FAT4: variants seen among roughly 807,000 people sequenced by gnomAD.
FAT4 encodes the protein FAT atypical cadherin 4, also known as protocadherin Fat 4.
FAT4 carries 84 observed loss-of-function variants against 303.9 expected under a neutral mutation model. The observed-to-expected ratio is 0.28, with a 90% CI of 0.23 to 0.33. FAT4 has a LOEUF of 0.33. Among genes scored for constraint, FAT4 ranks in the 10% least tolerant of loss-of-function variants. The pLI is 1.00. For missense variants in FAT4, 6,005 were observed against 6,146.8 expected (o/e 0.98, Z 0.77); for synonymous variants, 2,307 against 2,298.8 (o/e 1.00, Z -0.10).
intron 7 of FAT4, among the ~76,000 whole-genome samples, chr4:125,428,923 T>C (rs1725190058): frequency 6.6e-6 from 1 of 152,212 alleles, no homozygotes; most frequent in Non-Finnish European, 1.5e-5. Context: ...CGTGTCATTA[T>C]ATCCTGCCTC....
chr4:125,368,522 G>GTA (rs11391727), intron 2 of FAT4, among the ~76,000 whole-genome samples: 38,429 of 133,636 alleles, frequency 0.29, 5,910 homozygotes, highest in Non-Finnish European at 0.38. Flanking sequence ...TTATATATAT[G>GTA]TATATATATA....
chr4:125,433,857 C>G (rs1232299001), intron 7 of FAT4, among the ~76,000 whole-genome samples: 1 of 152,118 alleles, frequency 6.6e-6, no homozygotes, highest in Non-Finnish European at 1.5e-5. Flanking sequence ...TGTTAGTTGG[C>G]CAGCTCTTCC....
chr4:125,354,551 A>G (rs1037487229), intron 2 of FAT4, among the ~76,000 whole-genome samples: 1 of 151,766 alleles, frequency 6.6e-6, no homozygotes, highest in Non-Finnish European at 1.5e-5. Flanking sequence ...AGGCCAATTT[A>G]AACAATGATA....
Position 125,408,803 on chromosome 4 carries a change from T to C in FAT4, c.5920+9T>C. ...TACTGATGCAGATGATGGTATGTAT[T>C]TTATTTAATATAATTTTTAAAACAT... is the stretch of plus-strand genomic sequence containing the variant. On this transcript the variant is annotated intron_variant, in intron 5 of 17. Transcript: ENST00000394329. 3.0e-6 allele frequency: 4 copies of C among 1,316,730 alleles called. No individual in the cohort carries two copies. The highest frequency in any genetic ancestry group is 4.1e-6 in the Non-Finnish European group (4 of 975,490). The allele number at this position is 1,316,730 out of a possible 1,614,324, so 81.6% of individuals were successfully genotyped here. A position where few individuals can be genotyped will look rare whatever the true frequency, so the allele number is the denominator to read the frequency against.
intron 2 of FAT4, among the ~76,000 whole-genome samples, chr4:125,365,569 T>C (rs1732847206): frequency 6.6e-6 from 1 of 152,226 alleles, no homozygotes; most frequent in South Asian, 2.1e-4. Context: ...AGAGCTATTA[T>C]ATACTTGAGG....
intron 12 of FAT4, among the ~76,000 whole-genome samples, chr4:125,475,265 A>T (rs1726988710): frequency 6.6e-6 from 1 of 152,062 alleles, no homozygotes; most frequent in South Asian, 2.1e-4. Context: ...AGCATTGGAG[A>T]TTACACAATA....
intron 16 of FAT4, among the ~76,000 whole-genome samples, chr4:125,485,931 A>T (rs2126091346): frequency 6.6e-6 from 1 of 152,332 alleles, no homozygotes; most frequent in African/African-American, 2.4e-5. Flanking sequence ...AGCAAAAATT[A>T]GCATGATGTT....
chr4:125,464,383 T>C (rs796572820), intron 11 of FAT4, among the ~76,000 whole-genome samples: 15 of 152,252 alleles, frequency 9.9e-5, no homozygotes, highest in African/African-American at 3.6e-4. Flanking sequence ...AGGAAGCATT[T>C]GTATTAGCTT....
chr4:125,324,554 G>A (rs913937481), intron 2 of FAT4, among the ~76,000 whole-genome samples: 3 of 152,164 alleles, frequency 2.0e-5, no homozygotes, highest in Admixed American at 6.5e-5. Flanking sequence ...TCAGGTCAGA[G>A]CATAATAATT....
At position 125,487,364 on chromosome 4, in the gene FAT4, A is replaced by C. The variant is rs758804032; in HGVS notation, c.12842A>C (p.Tyr4281Ser). The part of the protein sequence containing the change: ...TTVKIKNGKV[Y>S]FTSDAGIAGK... Reference sequence around the variant, plus strand: ...TTACAGATTAAGAATGGCAAAGTATATTTTACATCCGATGCAGGAATTGCT... The same window carrying C: ...TTACAGATTAAGAATGGCAAAGTATCTTTTACATCCGATGCAGGAATTGCT... Residue 4281 changes from tyrosine (Y) to serine (S), a missense_variant, in exon 17 of 18, where the codon TAT (tyrosine) becomes TCT (serine). By Grantham distance (144) the Tyr-to-Ser change is moderately radical. Transcript: ENST00000394329. The C allele has an allele frequency of 3.1e-6, 5 of 1,613,248 alleles. No homozygotes were observed. Among genetic ancestry groups the C allele is most frequent in the Non-Finnish European group, 4.2e-6 (5 of 1,179,370 alleles).
intron 8 of FAT4, among the ~76,000 whole-genome samples, chr4:125,442,820 A>T (rs1453132724): frequency 1.3e-5 from 2 of 152,082 alleles, no homozygotes; most frequent in Non-Finnish European, 2.9e-5. Context: ...ATAGACTATT[A>T]CGTTATACAT....
At position 125,451,078 on chromosome 4, in the gene FAT4, G is replaced by T. The variant is rs1726048523; in HGVS notation, c.10068G>T (p.Gln3356His). ...KGFQINKKTG[Q>H]IYVSGILDRE... ...TCCAGATCAATAAGAAGACTGGACAGATTTATGTTTCTGGAATTCTTGATC... is the reference window on the plus strand; with the variant it reads ...TCCAGATCAATAAGAAGACTGGACATATTTATGTTTCTGGAATTCTTGATC... Residue 3356 changes from glutamine to histidine, a missense_variant, in exon 10 of 18, where the codon CAG (glutamine) becomes CAT (histidine). Gln to His is a conservative substitution (Grantham distance 24). Coordinates refer to ENST00000394329, the MANE Select transcript of FAT4 (RefSeq NM_001291303.3). 6.2e-7 allele frequency: 1 copy of T among 1,614,008 alleles called. No homozygotes were observed. The highest frequency in any genetic ancestry group is 1.1e-5 in the South Asian group (1 of 91,082).
chr4:125,370,657 A>G (rs1733069652), intron 2 of FAT4, among the ~76,000 whole-genome samples: 1 of 152,200 alleles, frequency 6.6e-6, no homozygotes, highest in Non-Finnish European at 1.5e-5. Context: ...TAATATTCAA[A>G]TTGTGTAAGG....
chr4:125,322,723 T>G (rs1218459147), intron 2 of FAT4, among the ~76,000 whole-genome samples: 3 of 151,300 alleles, frequency 2.0e-5, no homozygotes, highest in African/African-American at 7.3e-5. Context: ...AAATGATAAT[T>G]TATTATTATT....
chr4:125,440,659 TGCAA>T (rs972921355), intron 8 of FAT4, among the ~76,000 whole-genome samples: 1 of 137,216 alleles, frequency 7.3e-6, no homozygotes. Flanking sequence ...ATTCCATTGC[TGCAA>T]GCATCAATTC....
At chr4:125,436,292 A>T (rs559303666) in intron 8 of FAT4, among the ~76,000 whole-genome samples, 5 of 152,186 alleles carry the variant, frequency 3.3e-5, no homozygotes, top group African/African-American at 7.2e-5. Context: ...TCATGATATG[A>T]TATCATTTAC....
chr4:125,446,121 C>T, intron 8 of FAT4, 172 bp from the exon 9 acceptor site: 2 of 561,696 alleles, frequency 3.6e-6, no homozygotes, highest in South Asian at 2.5e-5. Flanking sequence ...GTGATGTTCA[C>T]AGAAAATTTG....
At chr4:125,402,119 GT>G (rs879922119) in intron 3 of FAT4, among the ~76,000 whole-genome samples, 2 of 151,674 alleles carry the variant, frequency 1.3e-5, no homozygotes, top group Non-Finnish European at 2.9e-5. Context: ...GAAAAAGATT[GT>G]TTTTTATCAA....
chr4:125,426,601 T>G (rs897451376), intron 7 of FAT4, among the ~76,000 whole-genome samples: 1 of 152,074 alleles, frequency 6.6e-6, no homozygotes, highest in African/African-American at 2.4e-5. Flanking sequence ...TACTCTTTAG[T>G]CAGAAAAAAA....
Sources: gnomAD v4.1 joint callset for allele counts (sites outside exome capture counted in the v4.1 genomes callset) on GRCh38, gnomAD v4.1.1 for gene constraint, MANE v1.5 for transcripts, NCBI Gene and HGNC (gene_info 2026-07-23, HGNC 2026-07-21) for gene names.